WASF1: variants seen among roughly 807,000 people sequenced by gnomAD.
The protein encoded by WASF1 is WASP family member 1.
Under a neutral mutation model 50.5 loss-of-function variants are expected in WASF1, and 7 were observed. That is an observed-to-expected ratio of 0.14 (90% CI 0.08 to 0.26). The LOEUF is 0.26. Ranked by LOEUF, WASF1 falls within the 10% of genes least tolerant of loss-of-function variation. The pLI is 1.00. For synonymous variants in WASF1, 205 were observed against 244.0 expected (o/e 0.84, Z 1.49); for missense variants, 470 against 694.7 (o/e 0.68, Z 3.64).
At chr6:110,142,216 G>C (rs1298565814) in intron 3 of WASF1, among the ~76,000 whole-genome samples, 2 of 152,176 alleles carry the variant, frequency 1.3e-5, no homozygotes, top group Non-Finnish European at 2.9e-5. Flanking sequence ...TTATGGGCTA[G>C]CTCAGAGTTC....
At chr6:110,124,226 C>CTCTCTCTCTCTCT (rs1195590873) in intron 4 of WASF1, among the ~76,000 whole-genome samples, 1 of 60,622 alleles carries the variant, frequency 1.6e-5, no homozygotes, top group Non-Finnish European at 2.8e-5. Context: ...TCCTCTCTCT[C>CTCTCTCTCTCTCT]CTCTCTCTCC....
intron 2 of WASF1, among the ~76,000 whole-genome samples, chr6:110,161,404 T>C (rs1776257409): frequency 6.6e-6 from 1 of 151,568 alleles, no homozygotes; most frequent in Admixed American, 6.6e-5. Context: ...TTGGATAAAT[T>C]TGGCTATCCC....
intron 3 of WASF1, among the ~76,000 whole-genome samples, chr6:110,142,918 G>A (rs1461103140): frequency 1.4e-5 from 2 of 138,548 alleles, no homozygotes; most frequent in East Asian, 4.3e-4. Context: ...TATAACACAT[G>A]TGGTTCCAAA....
chr6:110,144,027 G>C (rs2114561054), intron 3 of WASF1, among the ~76,000 whole-genome samples: 1 of 152,232 alleles, frequency 6.6e-6, no homozygotes, highest in Non-Finnish European at 1.5e-5. Context: ...AGATCCCTGA[G>C]GAATCACCAC....
At chr6:110,158,407 C>G (rs571428797) in intron 3 of WASF1, among the ~76,000 whole-genome samples, 2 of 131,772 alleles carry the variant, frequency 1.5e-5, no homozygotes, top group Non-Finnish European at 3.2e-5. Context: ...GTGATATCCC[C>G]TTTATCATTT....
chr6:110,158,644 C>A (rs1325123189), intron 3 of WASF1, among the ~76,000 whole-genome samples: 4 of 151,840 alleles, frequency 2.6e-5, no homozygotes, highest in African/African-American at 9.7e-5. Context: ...GCTTCTTTGA[C>A]CCCAAGATAA....
intron 3 of WASF1, among the ~76,000 whole-genome samples, chr6:110,145,504 G>C (rs1775513310): frequency 6.6e-6 from 1 of 152,182 alleles, no homozygotes; most frequent in Admixed American, 6.5e-5. Flanking sequence ...ATGTTGAATA[G>C]GAGTAGTGAG....
chr6:110,179,283 G>A (rs2114639763), intron 1 of WASF1, among the ~76,000 whole-genome samples, 156 bp downstream of exon 1: 1 of 152,188 alleles, frequency 6.6e-6, no homozygotes, highest in Non-Finnish European at 1.5e-5. Flanking sequence ...AAAACCCGCG[G>A]ATGGGGGTGG....
intron 2 of WASF1, among the ~76,000 whole-genome samples, chr6:110,174,542 G>A (rs1776846990): frequency 6.6e-6 from 1 of 152,132 alleles, no homozygotes; most frequent in Non-Finnish European, 1.5e-5. Context: ...CAGTAAAAGG[G>A]GAGATAAAGC....
chr6:110,175,606 T>C (rs1195214825), intron 2 of WASF1, among the ~76,000 whole-genome samples: 1 of 152,202 alleles, frequency 6.6e-6, no homozygotes, highest in Non-Finnish European at 1.5e-5. Flanking sequence ...CGAAGTCATC[T>C]ACTTCTACCT....
chr6:110,132,906 C>CTG (rs1413268094), intron 3 of WASF1, among the ~76,000 whole-genome samples: 68 of 122,674 alleles, frequency 5.5e-4, no homozygotes, highest in African/African-American at 2.1e-3. Context: ...CATGGTGTGT[C>CTG]TGTGTATATA....
chr6:110,123,335 GA>G (rs1300372540), intron 4 of WASF1, among the ~76,000 whole-genome samples: 93 of 145,930 alleles, frequency 6.4e-4, no homozygotes, highest in Middle Eastern at 3.6e-3. Flanking sequence ...TACAACTTCT[GA>G]AAAAAAAAAA....
At chr6:110,146,842 G>A (rs1030989647) in intron 3 of WASF1, among the ~76,000 whole-genome samples, 2 of 152,012 alleles carry the variant, frequency 1.3e-5, no homozygotes, top group Non-Finnish European at 2.9e-5. Context: ...TTTGTTGTGA[G>A]AAGCAAACTT....
intron 3 of WASF1, among the ~76,000 whole-genome samples, chr6:110,143,942 T>C (rs569080775): frequency 6.6e-6 from 1 of 152,330 alleles, no homozygotes; most frequent in African/African-American, 2.4e-5. Flanking sequence ...TGTGTCTTTA[T>C]AGCAGCATGA....
chr6:110,143,280 TAAG>T (rs1218039381), intron 3 of WASF1, among the ~76,000 whole-genome samples: 2 of 152,012 alleles, frequency 1.3e-5, no homozygotes, highest in African/African-American at 2.4e-5. Flanking sequence ...AGCCCTCTTT[TAAG>T]AAGGCAAGGA....
chr6:110,120,640 C>T (rs1348969682), intron 4 of WASF1, among the ~76,000 whole-genome samples: 5 of 152,222 alleles, frequency 3.3e-5, no homozygotes, highest in Admixed American at 3.3e-4. Context: ...CAATGCTATC[C>T]CCATCAAGCT....
chr6:110,169,940 C>T (rs1776633807), intron 2 of WASF1, among the ~76,000 whole-genome samples: 1 of 151,314 alleles, frequency 6.6e-6, no homozygotes, highest in South Asian at 2.1e-4. Context: ...CGATAAATAC[C>T]AGAAAATCTA....
intron 6 of WASF1, among the ~76,000 whole-genome samples, chr6:110,108,254 CAAT>C (rs1773414207): frequency 6.7e-6 from 1 of 149,950 alleles, no homozygotes; most frequent in East Asian, 2.0e-4. Context: ...ATTAAAAGGA[CAAT>C]AATAACTCCT....
At chr6:110,148,917 G>A (rs1775700162) in intron 3 of WASF1, among the ~76,000 whole-genome samples, 1 of 152,180 alleles carries the variant, frequency 6.6e-6, no homozygotes, top group South Asian at 2.1e-4. Flanking sequence ...TCACCAGAAG[G>A]GGTGAAGCCC....
Sources: gnomAD v4.1 joint callset for allele counts (sites outside exome capture counted in the v4.1 genomes callset) on GRCh38, gnomAD v4.1.1 for gene constraint, MANE v1.5 for transcripts, NCBI Gene and HGNC (gene_info 2026-07-23, HGNC 2026-07-21) for gene names.